Variants in TEK observed in about 807,000 individuals in gnomAD.
TEK encodes the protein TEK receptor tyrosine kinase, also known as angiopoietin-1 receptor.
A neutral mutation model predicts 131.8 loss-of-function variants in TEK; 43 were observed. The ratio of observed to expected loss-of-function variants is 0.33; its 90% CI spans 0.26 to 0.42. The LOEUF (loss-of-function observed/expected upper bound fraction) is 0.42, where lower values mean the gene tolerates loss of function less well. Ranked by LOEUF, TEK falls within the 10% of genes least tolerant of loss-of-function variation. The pLI is 1.00. For missense variants in TEK, 1,162 were observed against 1,384.4 expected, an observed-to-expected ratio of 0.84 and a Z score of 2.55; for synonymous variants, 580 against 491.6, an observed-to-expected ratio of 1.18 and a Z score of -2.38.
At chr9:27,121,294 T>G (rs1031435349) in intron 1 of TEK, among the ~76,000 whole-genome samples, 3 of 152,160 alleles carry the variant, frequency 2.0e-5, no homozygotes, top group Non-Finnish European at 4.4e-5. Flanking sequence ...CCATTGCACT[T>G]CAGCCTGGGC....
chr9:27,145,264 G>A (rs1390574609), intron 1 of TEK, among the ~76,000 whole-genome samples: 1 of 152,130 alleles, frequency 6.6e-6, no homozygotes, highest in Admixed American at 6.6e-5. Context: ...TAAAAAAGGG[G>A]GCAAGAATCA....
At chr9:27,215,794 C>T (rs488624) in intron 18 of TEK, among the ~76,000 whole-genome samples, 129,137 of 152,096 alleles carry the variant, frequency 0.85, 55,061 homozygotes, top group East Asian at 1. Flanking sequence ...ATTGTAACAG[C>T]TGATAAATGC....
chr9:27,124,799 AAC>A (rs1278714301), intron 1 of TEK, among the ~76,000 whole-genome samples: 1 of 152,128 alleles, frequency 6.6e-6, no homozygotes, highest in African/African-American at 2.4e-5. Context: ...AAATTTAGAA[AAC>A]ACAAAGAAAA....
At position 27,157,976 on chromosome 9, in the gene TEK, C is replaced by A; in HGVS notation, c.198C>A (p.Asn66Lys). Residue 66 changes from asparagine (N) to lysine (K), a missense_variant, in exon 2 of 23, where the codon AAC becomes AAA. Asn to Lys is a moderately conservative substitution (Grantham distance 94). This residue lies in a region of TEK where 436 missense variants were observed against 539.1 expected (regional missense o/e 0.81). Coordinates refer to ENST00000380036, the MANE Select transcript of TEK (RefSeq NM_000459.5). ...GAAGGGACTTTGAAGCCTTAATGAACCAGCACCAGGATCCGCTGGAAGTTA... is the reference window on the plus strand; with the variant it reads ...GAAGGGACTTTGAAGCCTTAATGAAACAGCACCAGGATCCGCTGGAAGTTA... ...TIGRDFEALM[N>K]QHQDPLEVTQ... is the part of the protein sequence containing the mutation. 6.2e-7 allele frequency: 1 copy of A among 1,614,004 alleles called. No individual in the cohort carries two copies. Among genetic ancestry groups the A allele is most frequent in the Non-Finnish European group, 8.5e-7 (1 of 1,180,006 alleles).
rs576328245 is a variant in TEK at position 27,167,991 on chromosome 9, A to C, written c.365-504A>C. 2.0e-5 allele frequency among the ~76,000 whole-genome samples: 3 copies of C among 152,292 alleles called. No homozygotes were observed. The East Asian group carries it at 5.8e-4, about 29-fold the overall frequency. Reference sequence around the variant, plus strand: ...CAGTTTGAGTGTTCCAAATCCAAAAATCTGAAATCTGAGATGCTCCAAGAT... The same window carrying C: ...CAGTTTGAGTGTTCCAAATCCAAAACTCTGAAATCTGAGATGCTCCAAGAT... On this transcript the variant is annotated intron_variant, in intron 2 of 22. Transcript: ENST00000380036.
chr9:27,119,791 C>T (rs1031896069), intron 1 of TEK, among the ~76,000 whole-genome samples: 1 of 152,146 alleles, frequency 6.6e-6, no homozygotes, highest in African/African-American at 2.4e-5. Context: ...CCTATTGATT[C>T]CTATTTCTTG....
intron 18 of TEK, among the ~76,000 whole-genome samples, chr9:27,216,529 CAG>C (rs954964629): frequency 1.3e-5 from 2 of 151,876 alleles, no homozygotes; most frequent in Non-Finnish European, 2.9e-5. Context: ...GTGGTGTGGA[CAG>C]AGAGTGAAGG....
intron 1 of TEK, among the ~76,000 whole-genome samples, chr9:27,119,616 AGAGTCGGGTGG>A (rs1564035605): frequency 1.2e-5 from 1 of 82,730 alleles, no homozygotes; most frequent in Non-Finnish European, 2.6e-5. Context: ...AGTCGGGTGG[AGAGTCGGGTGG>A]GGAGATTCCT....
At chr9:27,125,298 T>C (rs1821948324) in intron 1 of TEK, among the ~76,000 whole-genome samples, 1 of 152,264 alleles carries the variant, frequency 6.6e-6, no homozygotes, top group African/African-American at 2.4e-5. Context: ...CAGTAAATTA[T>C]GATTGCAGCA....
chr9:27,197,352 A>C lies in TEK; in HGVS notation c.1662A>C (p.Lys554Asn). Residue 554 changes from lysine to asparagine, a missense_variant, in exon 12 of 23, where the codon AAA becomes AAC. By Grantham distance (94) the Lys-to-Asn change is moderately conservative. Transcript: ENST00000380036. ...PPPRGLNLLP[K>N]SQTTLNLTWQ... ...CAAGAGGTCTAAATCTCCTGCCTAA[A>C]AGTCAGACCACTCTAAATTTGACCT... The C allele has an allele frequency of 6.2e-7, 1 of 1,614,088 alleles. No homozygotes were observed.
chr9:27,173,398 C>T (rs1217122730), intron 6 of TEK, 36 bp downstream of exon 6: 1 of 1,613,038 alleles, frequency 6.2e-7, no homozygotes, highest in South Asian at 1.1e-5. Context: ...AGAGGATGTT[C>T]TAGCAGGTAT....
intron 1 of TEK, among the ~76,000 whole-genome samples, chr9:27,114,777 T>A (rs146774259): frequency 6.6e-6 from 1 of 152,216 alleles, no homozygotes; most frequent in Non-Finnish European, 1.5e-5. Flanking sequence ...ATAAAAGATA[T>A]ACTCATAAAA....
chr9:27,185,038 C>T (rs1824544901), intron 8 of TEK, among the ~76,000 whole-genome samples: 1 of 130,866 alleles, frequency 7.6e-6, no homozygotes, highest in Non-Finnish European at 1.7e-5. Flanking sequence ...TTTGTTGTCT[C>T]TCAAAAAAAA....
At chr9:27,211,848 CTT>C (rs1825644288) in intron 16 of TEK, among the ~76,000 whole-genome samples, 1 of 133,548 alleles carries the variant, frequency 7.5e-6, no homozygotes, top group Non-Finnish European at 1.6e-5. Context: ...AGTAAAATAA[CTT>C]TAACTTTACA....
rs372554422 is a variant in TEK, at chr9:27,124,081, C to T, written c.52+14439C>T. On this transcript the variant is annotated intron_variant, in intron 1 of 22. Transcript: ENST00000380036. ...GTGAGCCACCGCAGCTGGCGAATTT[C>T]TTCACTTTAAAAGAGCATGGAAGGC... Among the ~76,000 whole-genome samples, 50 of 152,348 alleles carry T rather than the reference C, an allele frequency of 3.3e-4. No individual in the cohort carries two copies. In the South Asian group the frequency reaches 4.6e-3, roughly 14 times the overall value.
chr9:27,172,834 A>G, intron 5 of TEK, 87 bp downstream of exon 5: 1 of 1,565,792 alleles, frequency 6.4e-7, no homozygotes, highest in Non-Finnish European at 8.7e-7. Context: ...CACAGATGGG[A>G]ATGGACGCTA....
chr9:27,209,266 T>G (rs755390639), intron 16 of TEK, 35 bp downstream of exon 16: 1 of 1,461,308 alleles, frequency 6.8e-7, no homozygotes, highest in East Asian at 2.3e-5. Flanking sequence ...CCTGCCAGAG[T>G]TTTTATAAAA....
At chr9:27,213,931 T>C (rs952489127) in intron 18 of TEK, among the ~76,000 whole-genome samples, 33 of 152,140 alleles carry the variant, frequency 2.2e-4, no homozygotes, top group African/African-American at 7.7e-4. Flanking sequence ...TCCCCTTTCA[T>C]GCACAGCTGA....
At chr9:27,219,995 A>G in intron 20 of TEK, 54 bp from the exon 21 acceptor site, 1 of 1,571,072 alleles carries the variant, frequency 6.4e-7, no homozygotes, top group East Asian at 2.2e-5. Context: ...CCTGGACAGG[A>G]AGCATTGCTT....
Sources: allele counts gnomAD v4.1 joint callset (sites outside exome capture counted in the v4.1 genomes callset), GRCh38; gene constraint gnomAD v4.1.1; regional missense constraint gnomAD v4.1.1; transcripts MANE v1.5; gene names NCBI Gene and HGNC (gene_info 2026-07-23, HGNC 2026-07-21).